AKAP12: variants seen among roughly 807,000 people sequenced by gnomAD.
The protein encoded by AKAP12 is A-kinase anchor protein 12.
AKAP12 carries 32 observed loss-of-function variants against 79.9 expected under a neutral mutation model. That is an observed-to-expected ratio of 0.40 (90% confidence interval 0.30 to 0.54). AKAP12 has a LOEUF of 0.54. AKAP12 is among the 20% of genes least tolerant of loss of function. AKAP12 has a pLI of 0.48. For missense variants in AKAP12, 2,074 were observed against 2,177.0 expected (o/e 0.95, Z 0.94); for synonymous variants, 808 against 857.0 (o/e 0.94, Z 1.00).
Position 151,353,461 on chromosome 6 carries a change from G to A in AKAP12, c.5070G>A (p.Lys1690=), listed in dbSNP as rs140715420. 13 of 1,614,024 alleles carry A rather than the reference G, an allele frequency of 8.1e-6. No homozygotes were observed. Among genetic ancestry groups the A allele is most frequent in the Admixed American group, 3.3e-5 (2 of 59,994 alleles). ...GHALLAERIE[K]SLVEPKEDEK... ...CCTTGTTAGCAGAAAGAATAGAGAA[G>A]TCACTAGTTGAACCGAAAGAAGATG... Residue 1690 remains lysine (K), a synonymous_variant, in exon 4 of 5, where the codon AAG becomes AAA. Coordinates refer to ENST00000402676, the MANE Select transcript of AKAP12 (RefSeq NM_005100.4).
chr6:151,281,450 G>A (rs1312104003), intron 2 of AKAP12, among the ~76,000 whole-genome samples: 1 of 152,112 alleles, frequency 6.6e-6, no homozygotes, highest in African/African-American at 2.4e-5. Context: ...TTAATTTCAG[G>A]TTATGAGCAG....
At chr6:151,255,239 C>A (rs189015618) in intron 2 of AKAP12, among the ~76,000 whole-genome samples, 1 of 151,784 alleles carries the variant, frequency 6.6e-6, no homozygotes, top group Non-Finnish European at 1.5e-5. Context: ...GATCTCGGCT[C>A]ACGGCAACCT....
intron 3 of AKAP12, among the ~76,000 whole-genome samples, chr6:151,342,410 T>A (rs957456872): frequency 1.3e-5 from 2 of 152,180 alleles, no homozygotes; most frequent in South Asian, 4.1e-4. Flanking sequence ...GTTAGAAGAC[T>A]ATTCTCTAGG....
chr6:151,264,175 A>T (rs1461135535), intron 2 of AKAP12, among the ~76,000 whole-genome samples: 2 of 152,162 alleles, frequency 1.3e-5, no homozygotes, highest in Admixed American at 1.3e-4. Flanking sequence ...ATATCCAAGC[A>T]TGCCAAGATG....
intron 2 of AKAP12, among the ~76,000 whole-genome samples, chr6:151,254,694 A>G (rs1448821905): frequency 6.6e-6 from 1 of 152,178 alleles, no homozygotes; most frequent in Non-Finnish European, 1.5e-5. Context: ...AGCCTTGATT[A>G]AGACAACGAT....
intron 3 of AKAP12, among the ~76,000 whole-genome samples, chr6:151,306,658 A>T (rs1776984917): frequency 6.6e-6 from 1 of 152,204 alleles, no homozygotes; most frequent in Non-Finnish European, 1.5e-5. Context: ...TTCACAGGAG[A>T]TTCAACATCG....
intron 2 of AKAP12, among the ~76,000 whole-genome samples, chr6:151,288,816 A>C (rs1011436014): frequency 1.3e-5 from 2 of 152,212 alleles, no homozygotes; most frequent in African/African-American, 4.8e-5. Context: ...TATTTGGGGA[A>C]CGAGGCCTGG....
At chr6:151,344,458 G>C (rs1778031858) in intron 3 of AKAP12, among the ~76,000 whole-genome samples, 1 of 151,792 alleles carries the variant, frequency 6.6e-6, no homozygotes, top group South Asian at 2.1e-4. Flanking sequence ...AAGGTACAAG[G>C]ACAAAAAAAA....
chr6:151,259,416 GTATA>G (rs778221322), intron 2 of AKAP12, among the ~76,000 whole-genome samples: 1 of 142,692 alleles, frequency 7.0e-6, no homozygotes, highest in African/African-American at 2.6e-5. Flanking sequence ...ATTTATATAT[GTATA>G]TATATATGTG....
chr6:151,355,331 TCTCG>T (rs1295631138), intron 4 of AKAP12, among the ~76,000 whole-genome samples: 9 of 148,714 alleles, frequency 6.1e-5, no homozygotes, highest in Non-Finnish European at 3.0e-5. Flanking sequence ...TGAGACAGAA[TCTCG>T]CTCTGTCGCC....
At chr6:151,265,772 A>G (rs1797540170) in intron 2 of AKAP12, among the ~76,000 whole-genome samples, 1 of 152,190 alleles carries the variant, frequency 6.6e-6, no homozygotes, top group Non-Finnish European at 1.5e-5. Flanking sequence ...CACCAGAGGA[A>G]CCATAGTTAA....
chr6:151,345,891 GTA>G lies in AKAP12; in HGVS notation c.320-2816_320-2815del, dbSNP rs1181356871. Among the ~76,000 whole-genome samples the G allele has an allele frequency of 7.1e-3, 681 of 95,888 alleles. 7 individuals carry two copies. Among genetic ancestry groups the G allele is most frequent in the Middle Eastern group, 0.024 (5 of 208 alleles). 62.9% of individuals were successfully genotyped at this position (95,888 alleles called of 152,430 possible). A position where few individuals can be genotyped will look rare whatever the true frequency, so the allele number is the denominator to read the frequency against. On this transcript the variant is annotated intron_variant, in intron 3 of 4. Transcript: ENST00000402676. ...GAGATCATATGTGAAGGATGTGTGTGTATATGTGTGTGTGTGTGTGTGTGTGT... is the reference window on the plus strand; with the variant it reads ...GAGATCATATGTGAAGGATGTGTGTGTATGTGTGTGTGTGTGTGTGTGTGT...
intron 2 of AKAP12, among the ~76,000 whole-genome samples, chr6:151,240,967 G>T (rs1040755110): frequency 1.2e-4 from 18 of 152,172 alleles, no homozygotes; most frequent in Non-Finnish European, 2.4e-4. Context: ...CAGGGGAGGC[G>T]ACTGCGCCAT....
rs116137395 is a variant in AKAP12, at chr6:151,340,697, C to T, written c.320-8014C>T. Among the ~76,000 whole-genome samples, 424 of 152,312 alleles carry T rather than the reference C, an allele frequency of 2.8e-3. 3 individuals carry two copies. Among genetic ancestry groups the T allele is most frequent in the African/African-American group, 9.9e-3 (413 of 41,560 alleles). On this transcript the variant is annotated intron_variant, in intron 3 of 4. Coordinates refer to ENST00000402676, the MANE Select transcript of AKAP12 (RefSeq NM_005100.4). ...ATACTCAAGAACTTAAAGCTCTTTA[C>T]AACCAAGCCAAACCCACGAGCAGGT...
rs201672383 is a variant in AKAP12 at position 151,352,615 on chromosome 6, C to G, written c.4224C>G (p.Thr1408=). 2 of 1,614,102 alleles carry G rather than the reference C, an allele frequency of 1.2e-6. No individual in the cohort carries two copies. The highest frequency in any genetic ancestry group is 4.5e-5 in the East Asian group (2 of 44,872). Residue 1408 remains threonine, a synonymous_variant, in exon 4 of 5, where the codon ACC becomes ACG. Transcript: ENST00000402676. The part of the protein sequence containing the change: ...PCLGQEEAVC[T]KIQVQSSEAS... ...TAGGTCAAGAGGAGGCAGTATGCAC[C>G]AAAATTCAAGTTCAGAGCTCTGAGG...
In AKAP12 at chr6:151,350,482, T is replaced by G; in HGVS notation, c.2091T>G (p.Ser697=). Residue 697 remains serine (S), a synonymous_variant, in exon 4 of 5, where the codon TCT becomes TCG. Transcript: ENST00000402676. The surrounding 1 kb of genome is among the most constrained non-coding windows in gnomAD (Gnocchi z 4.8). ...AGAAAAGAGCAAGGAGAGGGTCCTC[T>G]TCTGATGAGGAAGGGGGACCAAAAG... is the stretch of plus-strand genomic sequence containing the variant. ...SSKKRARRGS[S]SDEEGGPKAM... The G allele has an allele frequency of 6.2e-7, 1 of 1,614,096 alleles. No homozygotes were observed. The highest frequency in any genetic ancestry group is 2.2e-5 in the East Asian group (1 of 44,862).
At chr6:151,326,810 GTTTGTTTGTTT>G (rs913652034) in intron 3 of AKAP12, among the ~76,000 whole-genome samples, 45 of 105,732 alleles carry the variant, frequency 4.3e-4, no homozygotes, top group African/African-American at 2.9e-3. Context: ...CTTTTTTTTT[GTTTGTTTGTTT>G]TTTGTTTGTT....
chr6:151,357,650 C>CATA lies in AKAP12; in HGVS notation c.*1936_*1937insATA, dbSNP rs1778475268. ...AGTTATTCTCAAATATATATAATAG[C>CATA]TACCCATGCATCATTATTAAAATCC... On this transcript the variant is annotated 3_prime_UTR_variant, in exon 5 of 5. Coordinates refer to ENST00000402676, the MANE Select transcript of AKAP12 (RefSeq NM_005100.4). 6.6e-6 allele frequency: 1 copy of CATA among 150,708 alleles called. No individual in the cohort carries two copies. Among genetic ancestry groups the CATA allele is most frequent in the Admixed American group, 6.6e-5 (1 of 15,138 alleles). 9.3% of individuals were successfully genotyped at this position (150,708 alleles called of 1,614,324 possible).
At chr6:151,303,201 AT>A (rs1359899539) in intron 2 of AKAP12, among the ~76,000 whole-genome samples, 2 of 152,192 alleles carry the variant, frequency 1.3e-5, no homozygotes, top group Admixed American at 6.5e-5. Context: ...AAAAATAAAA[AT>A]AAAAAAAAGA....
Sources: gnomAD v4.1 joint callset for allele counts (sites outside exome capture counted in the v4.1 genomes callset) on GRCh38, gnomAD v4.1.1 for gene constraint, Gnocchi (gnomAD v3.1) non-coding constraint, MANE v1.5 for transcripts, NCBI Gene and HGNC (gene_info 2026-07-23, HGNC 2026-07-21) for gene names.